The following TCF4 variants were observed in gnomAD, a reference collection of about 807,000 sequenced individuals.
The protein encoded by TCF4 is transcription factor 4, also known as SL3-3 enhancer factor 2.
TCF4 carries 3 observed loss-of-function variants against 82.1 expected under a neutral mutation model. That is an observed-to-expected ratio of 0.04 (90% confidence interval 0.02 to 0.09). TCF4 has a LOEUF of 0.09. TCF4 is among the 10% of genes least tolerant of loss of function. The probability of loss-of-function intolerance (pLI) is 1.00; values close to 1 mark genes in which losing one functional copy is unlikely to be tolerated. For missense variants in TCF4, 518 were observed against 852.7 expected, an observed-to-expected ratio of 0.61 and a Z score of 4.89; for synonymous variants, 276 against 309.6, an observed-to-expected ratio of 0.89 and a Z score of 1.14.
At chr18:55,399,925 C>CACA (rs1379193667) in intron 6 of TCF4, among the ~76,000 whole-genome samples, 229 of 126,590 alleles carry the variant, frequency 1.8e-3, no homozygotes, top group African/African-American at 6.8e-3. Context: ...CACACACACA[C>CACA]AATACTAAAA....
chr18:55,419,919 T>C (rs978192663), intron 5 of TCF4, among the ~76,000 whole-genome samples: 1 of 152,220 alleles, frequency 6.6e-6, no homozygotes, highest in Non-Finnish European at 1.5e-5. Context: ...CTGGGTGTCT[T>C]AGTGGAACCC....
At chr18:55,368,263 C>T (rs1184920877) in intron 6 of TCF4, among the ~76,000 whole-genome samples, 2 of 152,104 alleles carry the variant, frequency 1.3e-5, no homozygotes, top group Admixed American at 6.5e-5. Context: ...TGCCTGTAAT[C>T]CCAGCTACTT....
intron 8 of TCF4, among the ~76,000 whole-genome samples, chr18:55,301,827 G>T (rs567155166): frequency 2.1e-5 from 3 of 144,130 alleles, no homozygotes; most frequent in East Asian, 4.0e-4. Context: ...GGGGGGATTC[G>T]GGTGGGGGAG....
intron 2 of TCF4, among the ~76,000 whole-genome samples, chr18:55,627,227 T>C (rs1037340998): frequency 5.9e-5 from 9 of 152,178 alleles, no homozygotes; most frequent in African/African-American, 1.9e-4. Context: ...TCTATGAACA[T>C]GTCCAGAAGA....
In TCF4 at chr18:55,264,259, A is replaced by G. The variant is rs74416812; in HGVS notation, c.923-2726T>C. Among the ~76,000 whole-genome samples, 273 of 152,346 alleles carry G rather than the reference A, an allele frequency of 1.8e-3. 1 individual carries two copies. The highest frequency in any genetic ancestry group is 6.8e-3 in the Middle Eastern group (2 of 294). ...CTTCTTACCTCATCGCGTCATGAAA[A>G]TATTTCAGAAAACTACAAAGGCTAC... On this transcript the variant is annotated intron_variant, in intron 11 of 19. Coordinates refer to ENST00000354452, the MANE Select transcript of TCF4 (RefSeq NM_001083962.2).
At chr18:55,269,621 T>C (rs1459647446) in intron 11 of TCF4, 9 of 634,860 alleles carry the variant, frequency 1.4e-5, no homozygotes, top group Non-Finnish European at 2.2e-5. Flanking sequence ...ACGTAGAACG[T>C]AGCTAAATTT....
intron 3 of TCF4, among the ~76,000 whole-genome samples, chr18:55,474,267 A>G (rs17062683): frequency 0.012 from 1,803 of 152,276 alleles, 36 homozygotes; most frequent in African/African-American, 0.041. Context: ...TTACAGTGTG[A>G]TACTTAACCA....
chr18:55,468,269 A>G (rs910187243), intron 3 of TCF4, among the ~76,000 whole-genome samples: 1 of 152,244 alleles, frequency 6.6e-6, no homozygotes, highest in African/African-American at 2.4e-5. Context: ...ACAGTGAAGG[A>G]CTGGCTATTT....
At chr18:55,631,442 GT>G in intron 1 of TCF4, 1 of 1,524,828 alleles carries the variant, frequency 6.6e-7, no homozygotes, top group East Asian at 2.5e-5. Flanking sequence ...AGGTAGACAA[GT>G]TAGAAGATGG....
intron 8 of TCF4, among the ~76,000 whole-genome samples, chr18:55,294,225 A>C (rs2065908964): frequency 6.6e-6 from 1 of 151,384 alleles, no homozygotes; most frequent in African/African-American, 2.4e-5. Context: ...GCGCCACTGC[A>C]CTCCAGCCTG....
chr18:55,327,640 T>C (rs1474660013), intron 8 of TCF4, among the ~76,000 whole-genome samples: 4 of 152,174 alleles, frequency 2.6e-5, no homozygotes, highest in Non-Finnish European at 5.9e-5. Flanking sequence ...CTTGTATTCA[T>C]ATTGATTATA....
intron 8 of TCF4, among the ~76,000 whole-genome samples, chr18:55,314,074 A>C (rs931607294): frequency 2.0e-5 from 3 of 152,186 alleles, no homozygotes; most frequent in African/African-American, 7.2e-5. Context: ...GGTAGAGGGA[A>C]GCCCTAATAT....
chr18:55,575,094 T>C (rs942099881), intron 3 of TCF4, among the ~76,000 whole-genome samples: 1 of 152,106 alleles, frequency 6.6e-6, no homozygotes, highest in African/African-American at 2.4e-5. Flanking sequence ...ACTACAAATA[T>C]ACACCCCATA....
In TCF4 at chr18:55,302,289, G is replaced by A. The variant is rs537847016; in HGVS notation, c.550-22633C>T. On this transcript the variant is annotated intron_variant, in intron 8 of 19. Transcript: ENST00000354452. ...AATTAAAATGAAAGTTCTGGTGAAT[G>A]CCAGGGAAGACAGAAGTAGTGCAAA... 3.7e-6 allele frequency: 3 copies of A among 813,584 alleles called. No homozygotes were observed. In the South Asian group the frequency reaches 5.2e-5, roughly 14 times the overall value. The allele number at this position is 813,584 out of a possible 1,614,324, so 50.4% of individuals were successfully genotyped here. A position where few individuals can be genotyped will look rare whatever the true frequency, so the allele number is the denominator to read the frequency against.
intron 8 of TCF4, among the ~76,000 whole-genome samples, chr18:55,325,552 A>T (rs2076407676): frequency 6.6e-6 from 1 of 152,184 alleles, no homozygotes. Flanking sequence ...CAACTCAACA[A>T]ATAGAAGCTG....
rs201522495 is a variant in TCF4, at chr18:55,520,961, G to T, written c.146-56824C>A. Among the ~76,000 whole-genome samples, 3 of 152,058 alleles carry T rather than the reference G, an allele frequency of 2.0e-5. No individual in the cohort carries two copies. The East Asian group carries it at 5.8e-4, about 29-fold the overall frequency. ...TTCAGAGTCTAATTATCCAGTTTGT[G>T]AAATACCTAGGCCTTGGTATCTTTT... On this transcript the variant is annotated intron_variant, in intron 3 of 19. Transcript: ENST00000354452.
intron 15 of TCF4, among the ~76,000 whole-genome samples, chr18:55,251,552 AT>A (rs2055107166): frequency 6.6e-6 from 1 of 152,166 alleles, no homozygotes; most frequent in Non-Finnish European, 1.5e-5. Context: ...TTTTGTTTTG[AT>A]TTTTGGAAGG....
chr18:55,427,549 T>C (rs1276431304), intron 5 of TCF4, among the ~76,000 whole-genome samples: 1 of 152,192 alleles, frequency 6.6e-6, no homozygotes, highest in Non-Finnish European at 1.5e-5. Flanking sequence ...CTGAGAACCC[T>C]GGCAAGTTAC....
intron 8 of TCF4, 69 bp from the exon 9 acceptor site, chr18:55,279,725 A>G (rs1002028564): frequency 2.7e-5 from 44 of 1,605,844 alleles, no homozygotes; most frequent in Non-Finnish European, 3.5e-5. Context: ...CCATTCTTAT[A>G]TAAGAAGTAG....
Sources: gnomAD v4.1 joint callset for allele counts (sites outside exome capture counted in the v4.1 genomes callset) on GRCh38, gnomAD v4.1.1 for gene constraint, MANE v1.5 for transcripts, NCBI Gene and HGNC (gene_info 2026-07-23, HGNC 2026-07-21) for gene names.